The following CSMD1 variants were observed in gnomAD, a reference collection of about 807,000 sequenced individuals.
CSMD1 encodes CUB and Sushi multiple domains 1.
CSMD1 carries 213 observed loss-of-function variants against 417.5 expected under a neutral mutation model. That is an observed-to-expected ratio of 0.51 (90% CI 0.46 to 0.57). The LOEUF (loss-of-function observed/expected upper bound fraction) is 0.57. Ranked by LOEUF, CSMD1 falls within the 20% of genes least tolerant of loss-of-function variation. The pLI is 0.00. For synonymous variants in CSMD1, 2,862 were observed against 1,736.8 expected (o/e 1.65, Z -16.11); for missense variants, 6,923 against 4,529.7 (o/e 1.53, Z -15.17).
chr8:4,077,074 G>A (rs1254572158), intron 3 of CSMD1, among the ~76,000 whole-genome samples: 1 of 151,778 alleles, frequency 6.6e-6, no homozygotes, highest in African/African-American at 2.4e-5. Context: ...AATATAATTG[G>A]TCATAAATGA....
chr8:3,245,349 C>T (rs966392318), intron 26 of CSMD1, among the ~76,000 whole-genome samples: 1 of 152,116 alleles, frequency 6.6e-6, no homozygotes, highest in Non-Finnish European at 1.5e-5. Context: ...ATTTGCAAAA[C>T]AAAAGTGAGA....
chr8:3,411,639 T>C (rs1285051730), intron 12 of CSMD1, among the ~76,000 whole-genome samples: 2 of 149,056 alleles, frequency 1.3e-5, no homozygotes, highest in East Asian at 2.1e-4. Flanking sequence ...CTTATTATCG[T>C]TCAGTAGTAG....
chr8:4,763,219 C>T (rs879575792), intron 1 of CSMD1, among the ~76,000 whole-genome samples: 5 of 152,130 alleles, frequency 3.3e-5, no homozygotes, highest in South Asian at 2.1e-4. Flanking sequence ...ACTGTTATTC[C>T]GTGTTTTCTT....
chr8:4,449,228 A>G (rs1001874209), intron 2 of CSMD1, among the ~76,000 whole-genome samples: 1 of 152,226 alleles, frequency 6.6e-6, no homozygotes, highest in Non-Finnish European at 1.5e-5. Flanking sequence ...CAGAATAATT[A>G]CACTGTCTAT....
intron 11 of CSMD1, among the ~76,000 whole-genome samples, chr8:3,486,682 C>A (rs11777685): frequency 5.9e-5 from 9 of 152,136 alleles, no homozygotes; most frequent in African/African-American, 1.9e-4. Context: ...CCCTCGGGCT[C>A]CGATTCCTGT....
chr8:3,096,709 C>A, intron 47 of CSMD1, 140 bp downstream of exon 47: 2 of 625,784 alleles, frequency 3.2e-6, no homozygotes, highest in Non-Finnish European at 5.5e-6. Context: ...TAACCCCAAA[C>A]TAGTTTATTT....
At chr8:4,631,222 A>C (rs967951652) in intron 2 of CSMD1, among the ~76,000 whole-genome samples, 2 of 151,764 alleles carry the variant, frequency 1.3e-5, no homozygotes, top group Non-Finnish European at 2.9e-5. Flanking sequence ...ATTAGCCAGG[A>C]GTGGTGGCAT....
At chr8:4,741,283 T>C (rs775059802) in intron 1 of CSMD1, among the ~76,000 whole-genome samples, 5 of 152,196 alleles carry the variant, frequency 3.3e-5, no homozygotes, top group Non-Finnish European at 5.9e-5. Flanking sequence ...ATTTATTATA[T>C]CACAATGAAG....
rs569791492 is a variant in CSMD1, at chr8:4,271,450, A to C, written c.415+148503T>G. Among the ~76,000 whole-genome samples, 39 of 152,296 alleles carry C rather than the reference A, an allele frequency of 2.6e-4. 1 individual carries two copies. Among genetic ancestry groups the C allele is most frequent in the African/African-American group, 5.5e-4 (23 of 41,586 alleles). ...TGTAGGAGACTCTCCTCATTAACTG[A>C]AGAAAAACTCACTGCAATGCAATAC... On this transcript the variant is annotated intron_variant, in intron 3 of 69. Transcript: ENST00000635120.
chr8:4,902,034 C>T (rs963640591), intron 1 of CSMD1, among the ~76,000 whole-genome samples: 2 of 152,110 alleles, frequency 1.3e-5, no homozygotes, highest in South Asian at 4.1e-4. Context: ...TGCAAACATA[C>T]TGTGGCTTTG....
At chr8:4,070,026 T>A (rs544784243) in intron 3 of CSMD1, among the ~76,000 whole-genome samples, 4 of 152,176 alleles carry the variant, frequency 2.6e-5, no homozygotes, top group African/African-American at 9.6e-5. Flanking sequence ...GAATTTTTTT[T>A]AATTAACTTA....
chr8:3,983,032 G>C (rs1383378472), intron 5 of CSMD1, among the ~76,000 whole-genome samples: 1 of 152,238 alleles, frequency 6.6e-6, no homozygotes, highest in East Asian at 1.9e-4. Flanking sequence ...GATAAATCAT[G>C]GGGCCGGGAT....
chr8:4,782,493 G>C (rs1255507426), intron 1 of CSMD1, among the ~76,000 whole-genome samples: 4 of 152,166 alleles, frequency 2.6e-5, no homozygotes, highest in African/African-American at 7.2e-5. Flanking sequence ...TTAAGGACCA[G>C]AATTGTAGAT....
Position 4,755,620 on chromosome 8 carries a change from C to T in CSMD1, c.86-118062G>A, listed in dbSNP as rs933262713. Among the ~76,000 whole-genome samples, 4 of 152,246 alleles carry T rather than the reference C, an allele frequency of 2.6e-5. No individual in the cohort carries two copies. In the South Asian group the frequency reaches 8.3e-4, roughly 32 times the overall value. Reference sequence around the variant, plus strand: ...TATCAGATGGAAAGTTACTTTTCATCGTCTCCAGCCCCCAGAATCTGCCAA... The same window carrying T: ...TATCAGATGGAAAGTTACTTTTCATTGTCTCCAGCCCCCAGAATCTGCCAA... On this transcript the variant is annotated intron_variant, in intron 1 of 69. Coordinates refer to ENST00000635120, the MANE Select transcript of CSMD1 (RefSeq NM_033225.6).
At chr8:4,976,853 C>A (rs1380757553) in intron 1 of CSMD1, among the ~76,000 whole-genome samples, 1 of 152,020 alleles carries the variant, frequency 6.6e-6, no homozygotes, top group Non-Finnish European at 1.5e-5. Flanking sequence ...TTTGGGGCAA[C>A]TGTGCTTAAA....
At chr8:3,696,662 A>C (rs550306049) in intron 7 of CSMD1, among the ~76,000 whole-genome samples, 6 of 152,226 alleles carry the variant, frequency 3.9e-5, no homozygotes, top group Non-Finnish European at 8.8e-5. Context: ...ATTAAAGCTC[A>C]TCCATTTTGC....
intron 1 of CSMD1, among the ~76,000 whole-genome samples, chr8:4,679,476 C>G (rs961905784): frequency 6.6e-6 from 1 of 152,168 alleles, no homozygotes; most frequent in Non-Finnish European, 1.5e-5. Flanking sequence ...CCTCTATATA[C>G]CTATCACTAT....
At chr8:3,615,648 T>G (rs547495120) in intron 8 of CSMD1, among the ~76,000 whole-genome samples, 1 of 152,332 alleles carries the variant, frequency 6.6e-6, no homozygotes, top group South Asian at 2.1e-4. Context: ...AAAACGACCG[T>G]TGTTACTCCA....
chr8:3,654,214 G>C (rs1041415922), intron 7 of CSMD1, among the ~76,000 whole-genome samples: 3 of 152,138 alleles, frequency 2.0e-5, no homozygotes, highest in Non-Finnish European at 4.4e-5. Flanking sequence ...CCTTCAGTTT[G>C]ACTGAATTGT....
Sources: allele counts gnomAD v4.1 joint callset (sites outside exome capture counted in the v4.1 genomes callset), GRCh38; gene constraint gnomAD v4.1.1; transcripts MANE v1.5; gene names NCBI Gene and HGNC (gene_info 2026-07-23, HGNC 2026-07-21).